The following PTPRD variants were observed in gnomAD, a reference collection of about 807,000 sequenced individuals.
PTPRD encodes receptor-type tyrosine-protein phosphatase delta.
A neutral mutation model predicts 214.5 loss-of-function variants in PTPRD; 34 were observed. The ratio of observed to expected loss-of-function variants is 0.16; its 90% CI spans 0.12 to 0.21. The LOEUF is 0.21. PTPRD is among the 10% of genes least tolerant of loss of function. The pLI, the probability that PTPRD is intolerant of heterozygous loss-of-function variation, is 1.00. For synonymous variants in PTPRD, 1,128 were observed against 845.7 expected (o/e 1.33, Z -5.79); for missense variants, 2,545 against 2,398.7 (o/e 1.06, Z -1.27).
At chr9:9,094,423 A>G (rs1485690527) in intron 10 of PTPRD, among the ~76,000 whole-genome samples, 1 of 152,186 alleles carries the variant, frequency 6.6e-6, no homozygotes, top group Admixed American at 6.5e-5. Context: ...TCAGGAAAGG[A>G]AAACCAAAAA....
intron 5 of PTPRD, among the ~76,000 whole-genome samples, chr9:9,937,037 G>C (rs1250053957): frequency 6.6e-6 from 1 of 151,838 alleles, no homozygotes; most frequent in Non-Finnish European, 1.5e-5. Context: ...AGATCACATG[G>C]ACACAGGAAG....
At chr9:9,155,388 TAC>T (rs1197418294) in intron 10 of PTPRD, among the ~76,000 whole-genome samples, 4 of 152,138 alleles carry the variant, frequency 2.6e-5, no homozygotes, top group Non-Finnish European at 5.9e-5. Flanking sequence ...AAGAAATGCT[TAC>T]ACTTGAGGGA....
At chr9:8,554,051 G>A (rs1196443118) in intron 14 of PTPRD, among the ~76,000 whole-genome samples, 1 of 152,110 alleles carries the variant, frequency 6.6e-6, no homozygotes, top group South Asian at 2.1e-4. Context: ...AGCCGGGCGT[G>A]GTATTGCACG....
chr9:9,955,594 G>A (rs2093847818), intron 4 of PTPRD, among the ~76,000 whole-genome samples: 2 of 151,124 alleles, frequency 1.3e-5, no homozygotes, highest in African/African-American at 2.4e-5. Flanking sequence ...CACGATCTTG[G>A]CTAACTGCAA....
At chr9:9,370,758 T>C (rs1316119822) in intron 9 of PTPRD, among the ~76,000 whole-genome samples, 1 of 152,144 alleles carries the variant, frequency 6.6e-6, no homozygotes, top group East Asian at 1.9e-4. Flanking sequence ...TTGTCATAGA[T>C]AGCTCTTATT....
At chr9:9,949,059 A>G (rs879758597) in intron 4 of PTPRD, among the ~76,000 whole-genome samples, 2 of 152,060 alleles carry the variant, frequency 1.3e-5, no homozygotes, top group Admixed American at 6.6e-5. Context: ...GTAGAGCAAA[A>G]ATTATAAGAA....
At chr9:9,348,830 G>T (rs1201282326) in intron 9 of PTPRD, among the ~76,000 whole-genome samples, 1 of 152,044 alleles carries the variant, frequency 6.6e-6, no homozygotes, top group Non-Finnish European at 1.5e-5. Context: ...GTCCTAATTA[G>T]GGTGCTCTCT....
rs145034888 is a variant in PTPRD, at chr9:8,492,932, G to A, written c.2397C>T (p.Thr799=). Residue 799 remains threonine, a synonymous_variant, in exon 27 of 46, where the codon ACC becomes ACT. Transcript: ENST00000381196. ...CTCCTTTGGTTGTGTAGGCTGTGAC[G>A]GTGAGGGAGTAGGAAGTTTCAGGCT... The part of the protein sequence containing the change: ...GLQPETSYSL[T]VTAYTTKGDG... 2.7e-5 allele frequency: 43 copies of A among 1,613,670 alleles called. No homozygotes were observed. The highest frequency in any genetic ancestry group is 9.9e-5 in the South Asian group (9 of 91,068).
At chr9:8,511,879 T>C (rs535846357) in intron 21 of PTPRD, among the ~76,000 whole-genome samples, 68 of 152,156 alleles carry the variant, frequency 4.5e-4, no homozygotes, top group South Asian at 2.9e-3. Context: ...ATTACTATAA[T>C]TACACTCTAT....
chr9:9,475,251 C>T (rs978007572), intron 8 of PTPRD, among the ~76,000 whole-genome samples: 3 of 152,150 alleles, frequency 2.0e-5, no homozygotes, highest in Admixed American at 2.0e-4. Context: ...GGTTGACTCT[C>T]AGAATATTTA....
intron 11 of PTPRD, among the ~76,000 whole-genome samples, chr9:8,839,660 T>G (rs2097520257): frequency 6.6e-6 from 1 of 152,166 alleles, no homozygotes. Flanking sequence ...GGTAGCATTA[T>G]GAGCATAATC....
chr9:8,862,658 T>C (rs1259868942), intron 11 of PTPRD, among the ~76,000 whole-genome samples: 2 of 152,218 alleles, frequency 1.3e-5, no homozygotes, highest in African/African-American at 2.4e-5. Context: ...TGTTGTGCAA[T>C]CATTTATGCT....
chr9:10,154,010 T>C (rs1233463171), intron 3 of PTPRD, among the ~76,000 whole-genome samples: 1 of 151,920 alleles, frequency 6.6e-6, no homozygotes, highest in African/African-American at 2.4e-5. Context: ...AGTAAAGGAG[T>C]TGCTGGGTGG....
intron 14 of PTPRD, among the ~76,000 whole-genome samples, chr9:8,566,514 C>G (rs1275176214): frequency 6.6e-6 from 1 of 152,086 alleles, no homozygotes; most frequent in Non-Finnish European, 1.5e-5. Flanking sequence ...GAGGTTGGCC[C>G]TAACAGCAAT....
chr9:9,222,101 T>C (rs2099956485), intron 9 of PTPRD, among the ~76,000 whole-genome samples: 1 of 152,106 alleles, frequency 6.6e-6, no homozygotes, highest in African/African-American at 2.4e-5. Context: ...TGTAACAATA[T>C]TAATATTCTT....
At chr9:8,849,009 C>G (rs1210739655) in intron 11 of PTPRD, among the ~76,000 whole-genome samples, 1 of 152,032 alleles carries the variant, frequency 6.6e-6, no homozygotes, top group Non-Finnish European at 1.5e-5. Flanking sequence ...TACATATCAA[C>G]CACTATGCTA....
chr9:10,202,855 G>C (rs971708679), intron 3 of PTPRD, among the ~76,000 whole-genome samples: 23 of 151,798 alleles, frequency 1.5e-4, no homozygotes, highest in African/African-American at 5.6e-4. Context: ...ACAAGGAAAA[G>C]ATGGCCAAAG....
At chr9:10,343,150 C>T (rs537526191) in intron 2 of PTPRD, among the ~76,000 whole-genome samples, 38 of 151,988 alleles carry the variant, frequency 2.5e-4, no homozygotes, top group Admixed American at 5.9e-4. Context: ...CTGACAGGCC[C>T]TGTTGTGTGA....
intron 44 of PTPRD, among the ~76,000 whole-genome samples, chr9:8,321,522 T>C (rs10976948): frequency 0.13 from 17,178 of 131,370 alleles, 1,915 homozygotes; most frequent in African/African-American, 0.22. Context: ...TATATATATA[T>C]ATATAAAAGG....
Sources: gnomAD v4.1 joint callset for allele counts (sites outside exome capture counted in the v4.1 genomes callset) on GRCh38, gnomAD v4.1.1 for gene constraint, MANE v1.5 for transcripts, NCBI Gene and HGNC (gene_info 2026-07-23, HGNC 2026-07-21) for gene names.